PCDHA6: variants seen among roughly 807,000 people sequenced by gnomAD.
PCDHA6 encodes the protein protocadherin alpha-6.
PCDHA6 carries 55 observed loss-of-function variants against 60.3 expected under a neutral mutation model. That is an observed-to-expected ratio of 0.91 (90% CI 0.73 to 1.14). The LOEUF (loss-of-function observed/expected upper bound fraction) is 1.14, where lower values mean the gene tolerates loss of function less well. PCDHA6 is among the 50% of genes most tolerant of loss of function. The pLI, the probability that PCDHA6 is intolerant of heterozygous loss-of-function variation, is 0.00. For missense variants in PCDHA6, 1,327 were observed against 1,256.5 expected (o/e 1.06, Z -0.85); for synonymous variants, 652 against 557.9 (o/e 1.17, Z -2.38).
intron 1 of PCDHA6, among the ~76,000 whole-genome samples, chr5:140,915,707 T>C (rs545075490): frequency 1.3e-4 from 19 of 151,930 alleles, no homozygotes; most frequent in Non-Finnish European, 2.6e-4. Flanking sequence ...AGCACTCCTG[T>C]GGCCCCCACT....
At chr5:140,925,190 A>G (rs2082378036) in intron 1 of PCDHA6, among the ~76,000 whole-genome samples, 1 of 152,192 alleles carries the variant, frequency 6.6e-6, no homozygotes, top group Non-Finnish European at 1.5e-5. Context: ...ACCATCACCC[A>G]GCTTCAATAA....
At chr5:140,920,611 C>T (rs919244668) in intron 1 of PCDHA6, among the ~76,000 whole-genome samples, 4 of 152,068 alleles carry the variant, frequency 2.6e-5, no homozygotes, top group Non-Finnish European at 5.9e-5. Flanking sequence ...TTTGGGAGGC[C>T]GAGGCGGATG....
chr5:140,858,772 A>G lies in PCDHA6; in HGVS notation c.2394+28287A>G. ...TTTCGTTACAAATATTTGTGAGATTAGTACTTCATGTTATTTCATTTCCAA... is the reference window on the plus strand; with the variant it reads ...TTTCGTTACAAATATTTGTGAGATTGGTACTTCATGTTATTTCATTTCCAA... On this transcript the variant is annotated intron_variant, in intron 1 of 3. Transcript: ENST00000529310. 1.4e-5 allele frequency: 6 copies of G among 437,250 alleles called. No homozygotes were observed. In the South Asian group the frequency reaches 1.5e-4, roughly 11 times the overall value. 27.1% of individuals were successfully genotyped at this position (437,250 alleles called of 1,614,324 possible).
At chr5:140,851,158 C>A in intron 1 of PCDHA6, 1 of 1,299,046 alleles carries the variant, frequency 7.7e-7, no homozygotes, top group Non-Finnish European at 9.9e-7. Flanking sequence ...ATTTCTGATG[C>A]TATGCTGCCA....
chr5:140,883,369 C>A (rs781885590), intron 1 of PCDHA6: 4 of 1,614,064 alleles, frequency 2.5e-6, no homozygotes, highest in Non-Finnish European at 1.7e-6. Context: ...AGCCTAGCGC[C>A]ATTATTGCCC....
chr5:140,896,762 T>C (rs1408695272), intron 1 of PCDHA6, among the ~76,000 whole-genome samples: 1 of 152,224 alleles, frequency 6.6e-6, no homozygotes, highest in Non-Finnish European at 1.5e-5. Context: ...TAGACCTTTG[T>C]TGGATGCATA....
At chr5:140,863,914 T>C (rs2048229981) in intron 1 of PCDHA6, 1 of 162,444 alleles carries the variant, frequency 6.2e-6, no homozygotes, top group Non-Finnish European at 1.4e-5. Context: ...GGCACAAGAA[T>C]TGCTTGAACC....
At chr5:140,937,824 A>G (rs1229119616) in intron 1 of PCDHA6, among the ~76,000 whole-genome samples, 1 of 151,696 alleles carries the variant, frequency 6.6e-6, no homozygotes, top group African/African-American at 2.4e-5. Context: ...AGGCAGGAGA[A>G]TGGCATGAAC....
chr5:140,862,359 C>T (rs1364549064), intron 1 of PCDHA6: 3 of 337,738 alleles, frequency 8.9e-6, no homozygotes, highest in African/African-American at 4.3e-5. Flanking sequence ...AAGGGACAGA[C>T]GACCCGCACC....
Position 140,899,596 on chromosome 5 carries a change from G to A in PCDHA6, c.2394+69111G>A, listed in dbSNP as rs567280301. On this transcript the variant is annotated intron_variant, in intron 1 of 3. Transcript: ENST00000529310. ...ATTCGGTTTGCCAGTATTTTATTGA[G>A]GACTTTTGCATCAATGTTCATCAAG... Among the ~76,000 whole-genome samples the A allele has an allele frequency of 7.2e-5, 11 of 152,196 alleles. No individual in the cohort carries two copies. In the East Asian group the frequency reaches 2.1e-3, roughly 29 times the overall value.
At position 140,910,974 on chromosome 5, in the gene PCDHA6, T is replaced by G. The variant is rs114099897; in HGVS notation, c.2395-67975T>G. Among the ~76,000 whole-genome samples the G allele has an allele frequency of 8.0e-3, 1,211 of 152,160 alleles. 6 individuals carry two copies. The highest frequency in any genetic ancestry group is 0.019 in the African/African-American group (781 of 41,520). On this transcript the variant is annotated intron_variant, in intron 1 of 3. Coordinates refer to ENST00000529310, the MANE Select transcript of PCDHA6 (RefSeq NM_018909.4). ...CGAGTGTAGCACACCTCCTCATGGG[T>G]TATACTCTGAACCTCACCCCTAGGG...
At chr5:140,878,552 C>A (rs1035509057) in intron 1 of PCDHA6, among the ~76,000 whole-genome samples, 1 of 152,130 alleles carries the variant, frequency 6.6e-6, no homozygotes, top group Non-Finnish European at 1.5e-5. Flanking sequence ...TTCAGATGAT[C>A]CCAAACTTAT....
chr5:140,869,835 A>G (rs782478328), intron 1 of PCDHA6: 160 of 1,611,656 alleles, frequency 9.9e-5, no homozygotes, highest in Non-Finnish European at 1.3e-4. Context: ...AGTTTGATAA[A>G]TCAGAATATA....
At position 140,993,767 on chromosome 5, in the gene PCDHA6, G is replaced by C. The variant is rs115607244; in HGVS notation, c.2542+11204G>C. ...ATACTTGCCATTATATTACAATTGC[G>C]CAGTATTTTGTACAGTAACATGCTG... On this transcript the variant is annotated intron_variant, in intron 3 of 3. Transcript: ENST00000529310. Among the ~76,000 whole-genome samples, 826 of 152,124 alleles carry C rather than the reference G, an allele frequency of 5.4e-3. 11 individuals are homozygous for C. Among genetic ancestry groups the C allele is most frequent in the African/African-American group, 0.018 (749 of 41,482 alleles).
chr5:140,994,784 A>G (rs1245945274), intron 3 of PCDHA6, among the ~76,000 whole-genome samples: 2 of 152,202 alleles, frequency 1.3e-5, no homozygotes, highest in Non-Finnish European at 2.9e-5. Flanking sequence ...CAAAGGAAAC[A>G]ATGCGTGCAT....
chr5:140,896,561 G>C (rs1562891119), intron 1 of PCDHA6, among the ~76,000 whole-genome samples: 2 of 150,758 alleles, frequency 1.3e-5, no homozygotes, highest in Non-Finnish European at 2.9e-5. Flanking sequence ...ATTTTAAGTA[G>C]AGATGGGGTT....
At chr5:140,955,480 C>T (rs940139413) in intron 1 of PCDHA6, among the ~76,000 whole-genome samples, 3 of 152,088 alleles carry the variant, frequency 2.0e-5, no homozygotes, top group African/African-American at 7.2e-5. Flanking sequence ...GGCACCTCTC[C>T]TTCCTGCCAC....
chr5:140,835,925 C>T lies in PCDHA6; in HGVS notation c.2394+5440C>T, dbSNP rs2150248432. On this transcript the variant is annotated intron_variant, in intron 1 of 3. Transcript: ENST00000529310. ...GCTACGTGTCAGTGCACGCGGAGAG[C>T]GGCAAGGTGTACGCGCTGCAGCCGT... 5 of 1,612,352 alleles carry T rather than the reference C, an allele frequency of 3.1e-6. No individual in the cohort carries two copies. The South Asian group carries it at 5.5e-5, about 18-fold the overall frequency.
At chr5:140,843,607 G>C in intron 1 of PCDHA6, 1 of 1,596,080 alleles carries the variant, frequency 6.3e-7, no homozygotes, top group Non-Finnish European at 8.6e-7. Context: ...GCTCTGGTGA[G>C]GGGCCACCGA....
Sources: allele counts gnomAD v4.1 joint callset (sites outside exome capture counted in the v4.1 genomes callset), GRCh38; gene constraint gnomAD v4.1.1; transcripts MANE v1.5; gene names NCBI Gene and HGNC (gene_info 2026-07-23, HGNC 2026-07-21).